Variants in CCDC149 observed in about 807,000 individuals in gnomAD.
The protein encoded by CCDC149 is coiled-coil domain containing 149.
Under a neutral mutation model 59.9 loss-of-function variants are expected in CCDC149, and 45 were observed. That is an observed-to-expected ratio of 0.75 (90% CI 0.59 to 0.96). The LOEUF (loss-of-function observed/expected upper bound fraction) is 0.96. Among genes scored for constraint, CCDC149 ranks in the 40% least tolerant of loss-of-function variants. The pLI, the probability that CCDC149 is intolerant of heterozygous loss-of-function variation, is 0.00. For synonymous variants in CCDC149, 245 were observed against 260.6 expected (o/e 0.94, Z 0.58); for missense variants, 584 against 664.7 (o/e 0.88, Z 1.33).
At chr4:24,891,195 GC>G (rs534012392) in intron 1 of CCDC149, among the ~76,000 whole-genome samples, 3 of 151,844 alleles carry the variant, frequency 2.0e-5, no homozygotes, top group South Asian at 2.1e-4. Flanking sequence ...TTAGAACTCA[GC>G]CCCCCCAGCA....
At chr4:24,910,479 C>A (rs983842681) in intron 1 of CCDC149, among the ~76,000 whole-genome samples, 4 of 152,142 alleles carry the variant, frequency 2.6e-5, no homozygotes, top group Non-Finnish European at 5.9e-5. Flanking sequence ...TAATTCAACT[C>A]ACTACAGTAA....
chr4:24,862,638 T>G (rs1267818858), intron 3 of CCDC149, among the ~76,000 whole-genome samples: 1 of 152,224 alleles, frequency 6.6e-6, no homozygotes, highest in African/African-American at 2.4e-5. Context: ...TTGGGCCCTG[T>G]TGGAGTTAAC....
chr4:24,870,033 G>C (rs191676247), intron 3 of CCDC149, among the ~76,000 whole-genome samples: 20 of 152,350 alleles, frequency 1.3e-4, no homozygotes, highest in Middle Eastern at 3.4e-3. Context: ...AGGGGAACCA[G>C]ACACAGAAGG....
At chr4:24,846,617 C>T (rs1447114854) in intron 4 of CCDC149, among the ~76,000 whole-genome samples, 4 of 152,166 alleles carry the variant, frequency 2.6e-5, no homozygotes, top group Admixed American at 6.5e-5. Context: ...AAAAGTCCCA[C>T]GTCAATAGAG....
intron 4 of CCDC149, among the ~76,000 whole-genome samples, chr4:24,851,006 G>C (rs1717622125): frequency 6.6e-6 from 1 of 151,968 alleles, no homozygotes; most frequent in Admixed American, 6.6e-5. Context: ...GAAATGGGGA[G>C]GTTTGCTGAA....
intron 1 of CCDC149, among the ~76,000 whole-genome samples, chr4:24,976,515 C>G (rs574016389): frequency 1.3e-5 from 2 of 152,272 alleles, no homozygotes; most frequent in South Asian, 4.1e-4. Context: ...GAGTTTGAGA[C>G]CAGCCTGGCC....
At chr4:24,885,578 G>GC (rs1720119072) in intron 1 of CCDC149, among the ~76,000 whole-genome samples, 1 of 152,180 alleles carries the variant, frequency 6.6e-6, no homozygotes, top group Non-Finnish European at 1.5e-5. Context: ...ACATCAGTGG[G>GC]CGAGTGGGTC....
chr4:24,869,899 G>A (rs946592572), intron 3 of CCDC149, among the ~76,000 whole-genome samples: 8 of 152,168 alleles, frequency 5.3e-5, no homozygotes, highest in Admixed American at 1.3e-4. Context: ...AATCAAAGTC[G>A]ATGAGTGTAT....
At chr4:24,864,469 G>C (rs996856916) in intron 3 of CCDC149, among the ~76,000 whole-genome samples, 1 of 152,100 alleles carries the variant, frequency 6.6e-6, no homozygotes, top group Admixed American at 6.5e-5. Flanking sequence ...AGCCCAAGAA[G>C]ACGGCTTCGA....
intron 4 of CCDC149, among the ~76,000 whole-genome samples, chr4:24,851,900 G>C (rs372666970): frequency 6.6e-6 from 1 of 152,008 alleles, no homozygotes; most frequent in African/African-American, 2.4e-5. Flanking sequence ...GCCTTTCCTG[G>C]ACATTCTTTC....
intron 1 of CCDC149, among the ~76,000 whole-genome samples, chr4:24,877,735 T>G (rs1027060686): frequency 5.9e-5 from 9 of 152,120 alleles, no homozygotes; most frequent in Admixed American, 3.3e-4. Context: ...ACAAGTTGAG[T>G]ACACCTGGTT....
rs1206005742 is a variant in CCDC149, at chr4:24,866,801, A to AG, written c.264+6879_264+6880insC. 1.0e-3 allele frequency among the ~76,000 whole-genome samples: 103 copies of AG among 102,894 alleles called. 1 individual carries two copies. Among genetic ancestry groups the AG allele is most frequent in the Non-Finnish European group, 1.6e-3 (89 of 55,828 alleles). The allele number at this position is 102,894 out of a possible 152,430, so 67.5% of individuals were successfully genotyped here. On this transcript the variant is annotated intron_variant, in intron 3 of 12. Coordinates refer to ENST00000635206, the MANE Select transcript of CCDC149 (RefSeq NM_001330643.2). ...AAGACCCAAAAAGCAAAAAAAAAAA[A>AG]AAAATATACACACACACACACCCAC...
At chr4:24,841,607 C>T (rs1024329874) in intron 4 of CCDC149, among the ~76,000 whole-genome samples, 2 of 152,182 alleles carry the variant, frequency 1.3e-5, no homozygotes, top group African/African-American at 2.4e-5. Context: ...GGTCTAAGGA[C>T]GTCACCGCAG....
intron 1 of CCDC149, among the ~76,000 whole-genome samples, chr4:24,964,544 T>C (rs868127119): frequency 1.3e-5 from 2 of 152,110 alleles, no homozygotes; most frequent in Admixed American, 6.6e-5. Flanking sequence ...ACACAACTTA[T>C]CAGAATTTGA....
intron 4 of CCDC149, among the ~76,000 whole-genome samples, chr4:24,842,995 G>C (rs1717035362): frequency 6.6e-6 from 1 of 151,730 alleles, no homozygotes; most frequent in Admixed American, 6.6e-5. Flanking sequence ...ACCCTGGTGG[G>C]CTACATGTGA....
chr4:24,906,598 A>T (rs1721551958), intron 1 of CCDC149, among the ~76,000 whole-genome samples: 1 of 151,630 alleles, frequency 6.6e-6, no homozygotes, highest in Admixed American at 6.6e-5. Context: ...AGGTTTTGCC[A>T]TGTTGGCCGG....
At chr4:24,917,366 G>A (rs950882400), upstream of CCDC149, among the ~76,000 whole-genome samples, 3 of 152,246 alleles carry the variant, frequency 2.0e-5, no homozygotes, top group African/African-American at 7.2e-5. Flanking sequence ...CAGTGGCTGA[G>A]TGGGGCTGAT....
At chr4:24,878,516 G>A (rs1719621231) in intron 1 of CCDC149, among the ~76,000 whole-genome samples, 2 of 152,026 alleles carry the variant, frequency 1.3e-5, no homozygotes, top group Non-Finnish European at 2.9e-5. Flanking sequence ...AGTGTCCTCA[G>A]GGGCGTATTG....
chr4:24,883,736 G>A (rs1053168774), intron 1 of CCDC149, among the ~76,000 whole-genome samples: 5 of 152,228 alleles, frequency 3.3e-5, no homozygotes, highest in African/African-American at 1.2e-4. Context: ...GATTTTTACA[G>A]CATTTAAAGC....
Sources: allele counts gnomAD v4.1 joint callset (sites outside exome capture counted in the v4.1 genomes callset), GRCh38; gene constraint gnomAD v4.1.1; transcripts MANE v1.5; gene names NCBI Gene and HGNC (gene_info 2026-07-23, HGNC 2026-07-21).